POLR2F: variants seen among roughly 807,000 people sequenced by gnomAD.
POLR2F encodes the protein RNA polymerase II, I and III subunit F.
In POLR2F, 12 loss-of-function variants were observed where a neutral mutation model predicts 22.7. That is an observed-to-expected ratio of 0.53 (90% CI 0.34 to 0.86). The LOEUF is 0.86. POLR2F is among the 40% of genes least tolerant of loss of function. POLR2F has a pLI of 0.02. For synonymous variants in POLR2F, 57 were observed against 66.0 expected, an observed-to-expected ratio of 0.86 and a Z score of 0.66; for missense variants, 126 against 171.5, an observed-to-expected ratio of 0.73 and a Z score of 1.48.
At chr22:37,995,753 G>A (rs773169712) in intron 1 of POLR2F, among the ~76,000 whole-genome samples, 21 of 151,688 alleles carry the variant, frequency 1.4e-4, no homozygotes, top group Non-Finnish European at 2.5e-4. Context: ...CTGGTGGATC[G>A]CTTGAGCCCA....
intron 1 of POLR2F, among the ~76,000 whole-genome samples, chr22:37,999,574 G>A (rs1204792815): frequency 6.6e-6 from 1 of 152,000 alleles, no homozygotes; most frequent in Admixed American, 6.6e-5. Flanking sequence ...GCACCTGGGC[G>A]TCCTGACACC....
chr22:37,988,567 C>G (rs1932651601), intron 1 of POLR2F, among the ~76,000 whole-genome samples: 2 of 151,966 alleles, frequency 1.3e-5, no homozygotes, highest in Non-Finnish European at 2.9e-5. Flanking sequence ...AGGAGAATCA[C>G]TTGAACTCAA....
chr22:37,970,933 C>T (rs533642846), downstream of POLR2F: 12 of 265,510 alleles, frequency 4.5e-5, no homozygotes, highest in East Asian at 6.7e-4. Flanking sequence ...ATCGGGGTTT[C>T]GGTTACCATC....
At chr22:38,025,118 G>A (rs772935134) in intron 1 of POLR2F, among the ~76,000 whole-genome samples, 1 of 152,092 alleles carries the variant, frequency 6.6e-6, no homozygotes, top group Non-Finnish European at 1.5e-5. Flanking sequence ...CACTCAAGAG[G>A]ACATTCCCTA....
downstream of POLR2F, chr22:37,974,273 C>A (rs1932157868): frequency 9.0e-7 from 1 of 1,117,004 alleles, no homozygotes; most frequent in Non-Finnish European, 1.3e-6. The surrounding 1 kb of genome is among the most constrained non-coding windows in gnomAD (Gnocchi z 5.4). Flanking sequence ...ACGTGAACTT[C>A]CATGGTTCAC....
At chr22:38,040,884 G>A in intron 5 of POLR2F, 1 of 848,650 alleles carries the variant, frequency 1.2e-6, no homozygotes, top group Non-Finnish European at 1.9e-6. Context: ...TGTGGAGGAT[G>A]TGCCAAGGGG....
intron 1 of POLR2F, among the ~76,000 whole-genome samples, chr22:38,001,284 C>T (rs1381759924): frequency 6.6e-6 from 1 of 152,130 alleles, no homozygotes; most frequent in Non-Finnish European, 1.5e-5. Flanking sequence ...CTCGACCGTG[C>T]CTGCTGGACA....
chr22:38,033,215 G>C (rs1208227175), intron 5 of POLR2F: 1 of 152,064 alleles, frequency 6.6e-6, no homozygotes, highest in African/African-American at 2.4e-5. Flanking sequence ...ACAAAATCTT[G>C]AGATTTTGCA....
At chr22:37,960,708 T>C (rs963776818) in intron 3 of POLR2F, among the ~76,000 whole-genome samples, 2 of 152,090 alleles carry the variant, frequency 1.3e-5, no homozygotes, top group African/African-American at 4.8e-5. Flanking sequence ...GCTATTTTTG[T>C]ATTTTTAGTA....
chr22:37,963,320 G>T (rs1931724491), intron 3 of POLR2F, among the ~76,000 whole-genome samples: 1 of 151,058 alleles, frequency 6.6e-6, no homozygotes, highest in Admixed American at 6.6e-5. Context: ...AGACAGTTTG[G>T]CTCTATCACC....
At chr22:37,965,863 C>G (rs1378982136) in intron 3 of POLR2F, among the ~76,000 whole-genome samples, 1 of 152,176 alleles carries the variant, frequency 6.6e-6, no homozygotes, top group African/African-American at 2.4e-5. Context: ...GCATGCTCTC[C>G]TGTTAATTCT....
At position 37,969,155 on chromosome 22, in the gene POLR2F, G is replaced by T; in HGVS notation, c.*1440G>T. The T allele has an allele frequency of 1.0e-6, 1 of 985,360 alleles. No homozygotes were observed. The highest frequency in any genetic ancestry group is 1.2e-6 in the Non-Finnish European group (1 of 829,872). 61.0% of individuals were successfully genotyped at this position (985,360 alleles called of 1,614,324 possible). ...GGGCTGGGGAGGAGGGGAATTGGGG[G>T]TTAACCCTTAGGGGATAGAGTGCAA... On this transcript the variant is annotated 3_prime_UTR_variant, in exon 5 of 5. Transcript: ENST00000442738.
At chr22:38,001,434 G>A (rs544238728) in intron 1 of POLR2F, among the ~76,000 whole-genome samples, 3 of 152,314 alleles carry the variant, frequency 2.0e-5, no homozygotes, top group East Asian at 1.9e-4. Context: ...TAGATTTTTA[G>A]GGGAATTTAC....
chr22:38,033,453 C>T (rs2085085150), intron 5 of POLR2F, among the ~76,000 whole-genome samples: 1 of 152,200 alleles, frequency 6.6e-6, no homozygotes, highest in African/African-American at 2.4e-5. Flanking sequence ...GTTACCCAGT[C>T]CCTCTGGGGT....
At chr22:37,975,329 G>A (rs1932189683) in intron 4 of POLR2F, among the ~76,000 whole-genome samples, 1 of 152,184 alleles carries the variant, frequency 6.6e-6, no homozygotes, top group South Asian at 2.1e-4. Context: ...GACCAGAGGA[G>A]GAGTCCACCC....
intron 1 of POLR2F, among the ~76,000 whole-genome samples, chr22:37,989,684 T>C (rs1487710962): frequency 2.0e-5 from 3 of 152,262 alleles, no homozygotes; most frequent in African/African-American, 7.2e-5. Flanking sequence ...ACAAAGCGAT[T>C]CAGTGACAGG....
chr22:37,983,794 G>GGCCGCCGCC (rs762578400), upstream of POLR2F: 21 of 1,419,896 alleles, frequency 1.5e-5, no homozygotes, highest in Non-Finnish European at 3.7e-6. The surrounding 1 kb of genome is among the most constrained non-coding windows in gnomAD (Gnocchi z 9.5). Flanking sequence ...TGTCGCCCCC[G>GGCCGCCGCC]GCCGCCGCCG....
downstream of POLR2F, chr22:37,971,295 C>G (rs1156828000): frequency 6.4e-6 from 3 of 470,944 alleles, no homozygotes; most frequent in Admixed American, 7.1e-5. Context: ...TTCAGTTTCC[C>G]CATCTGGAAA....
In POLR2F at chr22:37,968,232, G is replaced by T. The variant is rs1469404851; in HGVS notation, c.*517G>T. On this transcript the variant is annotated 3_prime_UTR_variant, in exon 5 of 5. Transcript: ENST00000442738. The stretch of plus-strand genomic sequence containing the variant: ...TTCAGGAGCAGTGCCCCAGCAGGAA[G>T]CGTGGGGGTGTGCTGATCTCCCACC... 7 of 985,382 alleles carry T rather than the reference G, an allele frequency of 7.1e-6. No individual in the cohort carries two copies. Among genetic ancestry groups the T allele is most frequent in the African/African-American group, 1.7e-5 (1 of 57,232 alleles). The allele number at this position is 985,382 out of a possible 1,614,324, so 61.0% of individuals were successfully genotyped here. A position where few individuals can be genotyped will look rare whatever the true frequency, so the allele number is the denominator to read the frequency against.
Sources: allele counts gnomAD v4.1 joint callset (sites outside exome capture counted in the v4.1 genomes callset), GRCh38; gene constraint gnomAD v4.1.1; non-coding constraint Gnocchi (gnomAD v3.1); transcripts MANE v1.5; gene names NCBI Gene and HGNC (gene_info 2026-07-23, HGNC 2026-07-21).